Variants in PAK2 observed in about 807,000 individuals in gnomAD.
PAK2 encodes p21 (RAC1) activated kinase 2.
PAK2 carries 21 observed loss-of-function variants against 65.9 expected under a neutral mutation model. The observed-to-expected ratio is 0.32, with a 90% CI of 0.23 to 0.46. The LOEUF (loss-of-function observed/expected upper bound fraction) is 0.46, where lower values mean the gene tolerates loss of function less well. PAK2 is among the 20% of genes least tolerant of loss of function. The probability of loss-of-function intolerance (pLI) is 1.00; values close to 1 mark genes in which losing one functional copy is unlikely to be tolerated. For synonymous variants in PAK2, 204 were observed against 219.7 expected (o/e 0.93, Z 0.63); for missense variants, 324 against 642.6 (o/e 0.50, Z 5.36).
At chr3:196,809,712 G>T (rs1715712192) in intron 7 of PAK2, among the ~76,000 whole-genome samples, 1 of 149,680 alleles carries the variant, frequency 6.7e-6, no homozygotes, top group Non-Finnish European at 1.5e-5. Context: ...GTGACCTTTA[G>T]CTGTCACATC....
rs192413415 is a variant in PAK2 at position 196,777,764 on chromosome 3, C to T, written c.-21-4862C>T. Among the ~76,000 whole-genome samples the T allele has an allele frequency of 1.3e-4, 20 of 152,306 alleles. No individual in the cohort carries two copies. The East Asian group carries it at 2.5e-3, about 19-fold the overall frequency. On this transcript the variant is annotated intron_variant, in intron 1 of 14. Coordinates refer to ENST00000327134, the MANE Select transcript of PAK2 (RefSeq NM_002577.4). The stretch of plus-strand genomic sequence containing the variant: ...AGGTTATGAACTCTTACAGAGGACT[C>T]AGGTCGTCTTTTATTTTCTCTAATG...
chr3:196,784,726 A>C (rs1342683591), intron 2 of PAK2, among the ~76,000 whole-genome samples: 25 of 149,270 alleles, frequency 1.7e-4, no homozygotes, highest in East Asian at 1.2e-3. Context: ...ATTTATAGTC[A>C]TTTGGGTATA....
chr3:196,799,059 A>AT (rs1230876671), intron 2 of PAK2, among the ~76,000 whole-genome samples: 3 of 152,096 alleles, frequency 2.0e-5, no homozygotes, highest in Non-Finnish European at 2.9e-5. Context: ...GCAAAAAAAA[A>AT]TTTTTTTTAA....
At chr3:196,801,226 T>A (rs1305486605) in intron 2 of PAK2, among the ~76,000 whole-genome samples, 1 of 152,198 alleles carries the variant, frequency 6.6e-6, no homozygotes, top group African/African-American at 2.4e-5. Flanking sequence ...TCCTGATGAA[T>A]GTAGCTGAGT....
rs540254511 is a variant in PAK2 at position 196,810,708 on chromosome 3, T to G, written c.773+55T>G. 2.1e-4 allele frequency: 192 copies of G among 905,924 alleles called. No homozygotes were observed. The African/African-American group carries it at 2.8e-3, about 13-fold the overall frequency. 56.1% of individuals were successfully genotyped at this position (905,924 alleles called of 1,614,324 possible). A position where few individuals can be genotyped will look rare whatever the true frequency, so the allele number is the denominator to read the frequency against. On this transcript the variant is annotated intron_variant, in intron 8 of 14. Coordinates refer to ENST00000327134, the MANE Select transcript of PAK2 (RefSeq NM_002577.4). Reference sequence around the variant, plus strand: ...ATTCAGTATTCAGTATTTCCTGGCTTTATAGCATGATGTTTATTTTGCCTG... The same window carrying G: ...ATTCAGTATTCAGTATTTCCTGGCTGTATAGCATGATGTTTATTTTGCCTG...
In PAK2 at chr3:196,803,201, T is replaced by C; in HGVS notation, c.436+37T>C. The C allele has an allele frequency of 2.0e-6, 3 of 1,504,966 alleles. No individual in the cohort carries two copies. In the East Asian group the frequency reaches 7.1e-5, roughly 35 times the overall value. The allele number at this position is 1,504,966 out of a possible 1,614,324, so 93.2% of individuals were successfully genotyped here. ...GCATAAGGCTGGATCAGATGGAGAT[T>C]TGTGAAGCACTTCTAGATAAAAAGA... On this transcript the variant is annotated intron_variant, in intron 4 of 14. Coordinates refer to ENST00000327134, the MANE Select transcript of PAK2 (RefSeq NM_002577.4).
At position 196,825,524 on chromosome 3, in the gene PAK2, T is replaced by C. The variant is rs552866111; in HGVS notation, c.1351-1672T>C. 1.2e-3 allele frequency among the ~76,000 whole-genome samples: 187 copies of C among 151,646 alleles called. 3 individuals are homozygous for C. Among genetic ancestry groups the C allele is most frequent in the African/African-American group, 4.1e-3 (168 of 41,256 alleles). On this transcript the variant is annotated intron_variant, in intron 13 of 14. Coordinates refer to ENST00000327134, the MANE Select transcript of PAK2 (RefSeq NM_002577.4). ...CGGGCATTTTGGCGGGCGCCTATAA[T>C]CCCAGCTACTCGGAAGGCTGAGGCA...
intron 1 of PAK2, among the ~76,000 whole-genome samples, chr3:196,758,237 C>T (rs1018713141): frequency 6.6e-6 from 1 of 152,168 alleles, no homozygotes; most frequent in Non-Finnish European, 1.5e-5. Context: ...AAGAAGAAAT[C>T]CAGTGTGATG....
intron 8 of PAK2, 62 bp from the exon 9 acceptor site, chr3:196,812,157 G>A (rs1247617398): frequency 2.2e-6 from 2 of 897,214 alleles, no homozygotes. Flanking sequence ...TAAAGTCTTT[G>A]GATATTGCAA....
chr3:196,785,808 G>A (rs890539015), intron 2 of PAK2, among the ~76,000 whole-genome samples: 3 of 152,234 alleles, frequency 2.0e-5, no homozygotes, highest in Non-Finnish European at 4.4e-5. Flanking sequence ...AGCAGGCAAC[G>A]AGAGAGAGCT....
At position 196,751,674 on chromosome 3, in the gene PAK2, C is replaced by CACATATATATATATATATATATAT. The variant is rs1250574181; in HGVS notation, c.-22+11518_-22+11519insCATATATATATATATATATATATA. Among the ~76,000 whole-genome samples, 93 of 71,802 alleles carry CACATATATATATATATATATATAT rather than the reference C, an allele frequency of 1.3e-3. 5 individuals are homozygous for CACATATATATATATATATATATAT. Among genetic ancestry groups the CACATATATATATATATATATATAT allele is most frequent in the African/African-American group, 6.3e-3 (83 of 13,274 alleles). 47.1% of individuals were successfully genotyped at this position (71,802 alleles called of 152,430 possible). On this transcript the variant is annotated intron_variant, in intron 1 of 14. Coordinates refer to ENST00000327134, the MANE Select transcript of PAK2 (RefSeq NM_002577.4). Reference sequence around the variant, plus strand: ...AAAAACACACAAATTTATTTATATACATATATATATATATATATATAATTC... The same window carrying CACATATATATATATATATATATAT: ...AAAAACACACAAATTTATTTATATACACATATATATATATATATATATATATATATATATATATATATATAATTC...
intron 1 of PAK2, among the ~76,000 whole-genome samples, chr3:196,741,942 CAG>C (rs1713206456): frequency 1.3e-5 from 2 of 152,136 alleles, no homozygotes; most frequent in Non-Finnish European, 2.9e-5. Context: ...TACTCTCATT[CAG>C]AGAGAGATAC....
rs1026509310 is a variant in PAK2, at chr3:196,751,245, A to G, written c.-22+11088A>G. On this transcript the variant is annotated intron_variant, in intron 1 of 14. Coordinates refer to ENST00000327134, the MANE Select transcript of PAK2 (RefSeq NM_002577.4). Reference sequence around the variant, plus strand: ...GAGCATCGCTAATCTGAAAATCCAAAATCCGAAATGCTCCAAATTCCAGCA... The same window carrying G: ...GAGCATCGCTAATCTGAAAATCCAAGATCCGAAATGCTCCAAATTCCAGCA... Among the ~76,000 whole-genome samples the G allele has an allele frequency of 1.4e-4, 22 of 152,304 alleles. 1 individual carries two copies. The highest frequency in any genetic ancestry group is 1.2e-3 in the Admixed American group (18 of 15,304).
At chr3:196,823,303 A>G (rs1168566806) in intron 13 of PAK2, among the ~76,000 whole-genome samples, 1 of 152,216 alleles carries the variant, frequency 6.6e-6, no homozygotes, top group Non-Finnish European at 1.5e-5. Context: ...AAGTAACTCA[A>G]CTGCATTCCT....
At position 196,761,525 on chromosome 3, in the gene PAK2, G is replaced by C. The variant is rs1577703235; in HGVS notation, c.-21-21101G>C. On this transcript the variant is annotated intron_variant, in intron 1 of 14. Coordinates refer to ENST00000327134, the MANE Select transcript of PAK2 (RefSeq NM_002577.4). Reference sequence around the variant, plus strand: ...AGGCAGAAGAATTTTTCTTAGTGCAGAACAAAATGAAAAGTCTCCCATGTC... The same window carrying C: ...AGGCAGAAGAATTTTTCTTAGTGCACAACAAAATGAAAAGTCTCCCATGTC... Among the ~76,000 whole-genome samples, 5 of 102,576 alleles carry C rather than the reference G, an allele frequency of 4.9e-5. No individual in the cohort carries two copies. The East Asian group carries it at 1.3e-3, about 27-fold the overall frequency. The allele number at this position is 102,576 out of a possible 152,430, so 67.3% of individuals were successfully genotyped here.
chr3:196,807,734 C>A, intron 6 of PAK2, 48 bp from the exon 7 acceptor site: 1 of 1,103,324 alleles, frequency 9.1e-7, no homozygotes, highest in Non-Finnish European at 1.3e-6. Context: ...GGAAGAATAT[C>A]TGAAAACATT....
At position 196,751,674 on chromosome 3, in the gene PAK2, C is replaced by CATATATATATATATATATATATATAT. The variant is rs149522539; in HGVS notation, c.-22+11538_-22+11539insTATATATATATATATATATATATATA. 1.8e-3 allele frequency among the ~76,000 whole-genome samples: 129 copies of CATATATATATATATATATATATATAT among 71,730 alleles called. 1 individual carries two copies. The highest frequency in any genetic ancestry group is 8.3e-3 in the African/African-American group (110 of 13,204). 47.1% of individuals were successfully genotyped at this position (71,730 alleles called of 152,430 possible). A position where few individuals can be genotyped will look rare whatever the true frequency, so the allele number is the denominator to read the frequency against. On this transcript the variant is annotated intron_variant, in intron 1 of 14. Transcript: ENST00000327134. ...AAAAACACACAAATTTATTTATATA[C>CATATATATATATATATATATATATAT]ATATATATATATATATATATAATTC...
intron 1 of PAK2, among the ~76,000 whole-genome samples, chr3:196,766,536 C>A (rs977189175): frequency 2.0e-5 from 3 of 152,016 alleles, no homozygotes; most frequent in African/African-American, 7.2e-5. Flanking sequence ...CAAAAAAGTA[C>A]AAGGATTTTC....
At chr3:196,749,846 G>C (rs1713511275) in intron 1 of PAK2, among the ~76,000 whole-genome samples, 1 of 151,340 alleles carries the variant, frequency 6.6e-6, no homozygotes, top group African/African-American at 2.4e-5. Flanking sequence ...TTTTGAGATA[G>C]AGTCTTGCTC....
Sources: allele counts gnomAD v4.1 joint callset (sites outside exome capture counted in the v4.1 genomes callset), GRCh38; gene constraint gnomAD v4.1.1; transcripts MANE v1.5; gene names NCBI Gene and HGNC (gene_info 2026-07-23, HGNC 2026-07-21).